Variants in NFAT5 observed in about 807,000 individuals in gnomAD.
NFAT5 encodes nuclear factor of activated T cells 5.
In NFAT5, 31 loss-of-function variants were observed where a neutral mutation model predicts 166.5. The ratio of observed to expected loss-of-function variants is 0.19; its 90% CI spans 0.14 to 0.25. NFAT5 has a LOEUF of 0.25. Among genes scored for constraint, NFAT5 ranks in the 10% least tolerant of loss-of-function variants. NFAT5 has a pLI of 1.00. For missense variants in NFAT5, 1,449 were observed against 1,821.8 expected, an observed-to-expected ratio of 0.80 and a Z score of 3.72; for synonymous variants, 612 against 639.7, an observed-to-expected ratio of 0.96 and a Z score of 0.65.
At chr16:69,679,492 G>GT (rs1157401742) in intron 10 of NFAT5, among the ~76,000 whole-genome samples, 1 of 151,880 alleles carries the variant, frequency 6.6e-6, no homozygotes, top group East Asian at 2.0e-4. Flanking sequence ...GTGGGCACCT[G>GT]TTTACCCAGC....
intron 2 of NFAT5, among the ~76,000 whole-genome samples, chr16:69,608,773 C>A (rs1212910084): frequency 6.6e-6 from 1 of 150,954 alleles, no homozygotes; most frequent in East Asian, 2.0e-4. Context: ...TGCCACCACG[C>A]CCGGCTAATT....
intron 7 of NFAT5, among the ~76,000 whole-genome samples, chr16:69,662,650 C>T (rs1272476326): frequency 4.6e-5 from 7 of 151,706 alleles, no homozygotes; most frequent in Non-Finnish European, 8.8e-5. Flanking sequence ...TTAGTAGAGA[C>T]GGGGTTTCAC....
intron 2 of NFAT5, among the ~76,000 whole-genome samples, chr16:69,584,788 A>G (rs747979353): frequency 3.9e-5 from 6 of 152,176 alleles, no homozygotes; most frequent in Admixed American, 2.6e-4. Context: ...CCCTGTCTCA[A>G]AAATAAAATT....
At position 69,619,339 on chromosome 16, in the gene NFAT5, G is replaced by A. The variant is rs2034098480; in HGVS notation, c.128-7064G>A. Among the ~76,000 whole-genome samples, 3 of 152,228 alleles carry A rather than the reference G, an allele frequency of 2.0e-5. No individual in the cohort carries two copies. The South Asian group carries it at 6.2e-4, about 32-fold the overall frequency. On this transcript the variant is annotated intron_variant, in intron 2 of 14. Transcript: ENST00000349945. ...ATCCGTGTATAGCCCTAATTTTGTTGTATATATTTTATTTGATTATATACT... is the reference window on the plus strand; with the variant it reads ...ATCCGTGTATAGCCCTAATTTTGTTATATATATTTTATTTGATTATATACT...
At chr16:69,690,727 A>G (rs1466915591) in intron 11 of NFAT5, 5 of 302,256 alleles carry the variant, frequency 1.7e-5, no homozygotes, top group Non-Finnish European at 6.1e-6. Context: ...TTAATATTTA[A>G]GCTATAGTTC....
intron 2 of NFAT5, among the ~76,000 whole-genome samples, chr16:69,575,894 A>G (rs2016718713): frequency 6.6e-6 from 1 of 152,208 alleles, no homozygotes; most frequent in South Asian, 2.1e-4. Flanking sequence ...ACTGAGGTAC[A>G]GAGGGATCTA....
intron 2 of NFAT5, among the ~76,000 whole-genome samples, chr16:69,593,694 G>C (rs568131943): frequency 6.6e-6 from 1 of 152,096 alleles, no homozygotes; most frequent in South Asian, 2.1e-4. Flanking sequence ...GTGTAGAATG[G>C]GGAGAGAAAA....
chr16:69,656,520 C>G (rs1236965008), intron 6 of NFAT5, among the ~76,000 whole-genome samples: 1 of 150,596 alleles, frequency 6.6e-6, no homozygotes, highest in African/African-American at 2.4e-5. Context: ...GGTGCTATCT[C>G]TGCTTACTAC....
intron 11 of NFAT5, among the ~76,000 whole-genome samples, chr16:69,688,216 A>AAAAAAAAC (rs1567609359): frequency 6.8e-6 from 1 of 147,230 alleles, no homozygotes; most frequent in African/African-American, 2.5e-5. Context: ...AAAAAAAAAA[A>AAAAAAAAC]AAAAAAAAAA....
chr16:69,578,176 C>T (rs2031423078), intron 2 of NFAT5, among the ~76,000 whole-genome samples: 1 of 151,976 alleles, frequency 6.6e-6, no homozygotes, highest in Admixed American at 6.6e-5. Context: ...AATACAAAAC[C>T]ATTTTATATT....
chr16:69,617,543 C>T (rs895027282), intron 2 of NFAT5, among the ~76,000 whole-genome samples: 4 of 150,738 alleles, frequency 2.7e-5, no homozygotes, highest in African/African-American at 7.3e-5. Flanking sequence ...CAGGCTGGAA[C>T]GCAGTGGCAC....
chr16:69,662,290 C>T (rs929875864), intron 7 of NFAT5, among the ~76,000 whole-genome samples: 2 of 152,074 alleles, frequency 1.3e-5, no homozygotes, highest in South Asian at 2.1e-4. Context: ...ATCTACCCTT[C>T]TGTAGTAATT....
chr16:69,636,260 C>G lies in NFAT5; in HGVS notation c.253+9732C>G, dbSNP rs116655813. Among the ~76,000 whole-genome samples the G allele has an allele frequency of 2.9e-3, 435 of 152,260 alleles. 2 individuals carry two copies. Among genetic ancestry groups the G allele is most frequent in the African/African-American group, 9.8e-3 (409 of 41,540 alleles). The stretch of plus-strand genomic sequence containing the variant: ...GTCTTGGGCAGCTCTGCACCTGTGG[C>G]TTTGTAGAGTATAGCCTCCCTTCCA... On this transcript the variant is annotated intron_variant, in intron 3 of 14. Transcript: ENST00000349945.
intron 2 of NFAT5, among the ~76,000 whole-genome samples, chr16:69,606,671 A>G (rs975355243): frequency 4.6e-5 from 7 of 152,130 alleles, no homozygotes; most frequent in Non-Finnish European, 8.8e-5. Context: ...CCTGGCCAAC[A>G]TAATGAAACG....
At chr16:69,642,929 T>G (rs1275528803) in intron 3 of NFAT5, among the ~76,000 whole-genome samples, 2 of 152,028 alleles carry the variant, frequency 1.3e-5, no homozygotes, top group Non-Finnish European at 2.9e-5. Flanking sequence ...ATAAAATTTA[T>G]TCACATGGCC....
intron 4 of NFAT5, chr16:69,648,233 T>C: frequency 1.0e-6 from 1 of 983,892 alleles, no homozygotes; most frequent in Non-Finnish European, 1.2e-6. Flanking sequence ...AATGACTCCA[T>C]CCAAAACAAC....
chr16:69,670,977 G>A (rs2036599482), intron 9 of NFAT5, among the ~76,000 whole-genome samples: 1 of 152,110 alleles, frequency 6.6e-6, no homozygotes. Context: ...GTAAGCTGAT[G>A]GGGAAAGAAA....
chr16:69,693,187 A>G lies in NFAT5; in HGVS notation c.3362A>G (p.Gln1121Arg), dbSNP rs769934523. ...AGTCCAAATCCTATTGTCCACAGTC[A>G]GACTTCTACAACCTCCTCTGAACAA... ...FHSPNPIVHS[Q>R]TSTTSSEQMQ... The change falls in exon 13 of 15, where the codon CAG (glutamine) becomes CGG (arginine). Residue 1121 changes from glutamine (Q) to arginine (R), a missense_variant. This residue lies in a region of NFAT5 where 891 missense variants were observed against 993.0 expected (regional missense o/e 0.90). Transcript: ENST00000349945. 1 of 1,614,192 alleles carries G rather than the reference A, an allele frequency of 6.2e-7. No homozygotes were observed. Among genetic ancestry groups the G allele is most frequent in the South Asian group, 1.1e-5 (1 of 91,080 alleles).
At chr16:69,579,069 T>G (rs2142922499) in intron 2 of NFAT5, among the ~76,000 whole-genome samples, 1 of 152,134 alleles carries the variant, frequency 6.6e-6, no homozygotes, top group South Asian at 2.1e-4. Context: ...AGAGACGGGG[T>G]TTCACCATAT....
Sources: gnomAD v4.1 joint callset for allele counts (sites outside exome capture counted in the v4.1 genomes callset) on GRCh38, gnomAD v4.1.1 for gene constraint, gnomAD v4.1.1 regional missense constraint, MANE v1.5 for transcripts, NCBI Gene and HGNC (gene_info 2026-07-23, HGNC 2026-07-21) for gene names.